The following MACROD2 variants were observed in gnomAD, a reference collection of about 807,000 sequenced individuals.
The protein encoded by MACROD2 is mono-ADP ribosylhydrolase 2.
In MACROD2, 36 loss-of-function variants were observed where a neutral mutation model predicts 70.4. That is an observed-to-expected ratio of 0.51 (90% CI 0.39 to 0.68). The LOEUF (loss-of-function observed/expected upper bound fraction) is 0.68, where lower values mean the gene tolerates loss of function less well. Ranked by LOEUF, MACROD2 falls within the 30% of genes least tolerant of loss-of-function variation. The pLI, the probability that MACROD2 is intolerant of heterozygous loss-of-function variation, is 0.00. For missense variants in MACROD2, 496 were observed against 538.4 expected (o/e 0.92, Z 0.78); for synonymous variants, 172 against 178.8 (o/e 0.96, Z 0.30).
chr20:14,613,076 C>A (rs1983268360), intron 4 of MACROD2, among the ~76,000 whole-genome samples: 1 of 152,028 alleles, frequency 6.6e-6, no homozygotes, highest in South Asian at 2.1e-4. Flanking sequence ...CCTAGGAAAT[C>A]ATTCCAAAAC....
intron 5 of MACROD2, among the ~76,000 whole-genome samples, chr20:14,835,337 C>T (rs939799114): frequency 5.3e-5 from 8 of 151,924 alleles, no homozygotes; most frequent in Non-Finnish European, 1.0e-4. Context: ...CAGTTAACAT[C>T]GGTTCATATG....
At chr20:15,143,931 G>A (rs1170004228) in intron 5 of MACROD2, among the ~76,000 whole-genome samples, 2 of 128,486 alleles carry the variant, frequency 1.6e-5, no homozygotes, top group Non-Finnish European at 3.2e-5. Context: ...TAACACTAAC[G>A]ATCGCTGATG....
At position 15,732,002 on chromosome 20, in the gene MACROD2, C is replaced by A. The variant is rs572931961; in HGVS notation, c.646-130743C>A. On this transcript the variant is annotated intron_variant, in intron 8 of 17. Transcript: ENST00000684519. ...AACTCCTGACCTCAGGTGATCCACC[C>A]ACCTCGGCCTCCCAGAGTGCTGGGA... Among the ~76,000 whole-genome samples, 29 of 115,728 alleles carry A rather than the reference C, an allele frequency of 2.5e-4. 3 individuals carry two copies. Among genetic ancestry groups the A allele is most frequent in the African/African-American group, 6.8e-4 (22 of 32,446 alleles). The allele number at this position is 115,728 out of a possible 152,430, so 75.9% of individuals were successfully genotyped here.
At chr20:15,505,872 AT>A (rs35564657) in intron 8 of MACROD2, among the ~76,000 whole-genome samples, 11 of 152,126 alleles carry the variant, frequency 7.2e-5, no homozygotes, top group African/African-American at 1.2e-4. Flanking sequence ...GCCCGACATA[AT>A]TTTTTTTAAC....
chr20:15,390,143 A>G (rs1188528651), intron 6 of MACROD2, among the ~76,000 whole-genome samples: 2 of 152,164 alleles, frequency 1.3e-5, no homozygotes, highest in Non-Finnish European at 2.9e-5. Flanking sequence ...AGTCAGATAT[A>G]CAAGTCGTCT....
At chr20:15,340,777 T>C (rs1050244561) in intron 6 of MACROD2, among the ~76,000 whole-genome samples, 2 of 151,106 alleles carry the variant, frequency 1.3e-5, no homozygotes, top group African/African-American at 4.8e-5. Context: ...ACACACACTT[T>C]TTTTTTTTTG....
chr20:15,065,442 T>C (rs1433367992), intron 5 of MACROD2, among the ~76,000 whole-genome samples: 1 of 151,804 alleles, frequency 6.6e-6, no homozygotes, highest in African/African-American at 2.4e-5. Context: ...GATCACAAGG[T>C]CAGGAGATCG....
intron 5 of MACROD2, among the ~76,000 whole-genome samples, chr20:14,710,409 T>TA (rs1412175176): frequency 6.6e-6 from 1 of 152,164 alleles, no homozygotes; most frequent in African/African-American, 2.4e-5. Context: ...AAATAGCATT[T>TA]AAAAAAATCA....
chr20:14,988,230 G>C (rs2074866629), intron 5 of MACROD2, among the ~76,000 whole-genome samples: 2 of 151,752 alleles, frequency 1.3e-5, no homozygotes, highest in African/African-American at 2.4e-5. Context: ...AGGGCGAGGT[G>C]GCGTACACCT....
chr20:14,517,262 C>A (rs1256260124), intron 4 of MACROD2, among the ~76,000 whole-genome samples: 1 of 151,976 alleles, frequency 6.6e-6, no homozygotes, highest in Non-Finnish European at 1.5e-5. Flanking sequence ...AGCACTATTC[C>A]CAATAACAAA....
chr20:14,071,035 C>T (rs1424935722), intron 2 of MACROD2, among the ~76,000 whole-genome samples: 1 of 152,016 alleles, frequency 6.6e-6, no homozygotes, highest in Non-Finnish European at 1.5e-5. Flanking sequence ...TGCTCAGTAC[C>T]TGGTGATGAT....
intron 7 of MACROD2, among the ~76,000 whole-genome samples, chr20:15,438,014 C>A (rs2046448602): frequency 6.6e-6 from 1 of 151,950 alleles, no homozygotes; most frequent in Admixed American, 6.6e-5. Context: ...CAAAAATTAG[C>A]CATGGTAGTG....
rs139951215 is a variant in MACROD2, at chr20:14,293,184, G to A, written c.272-200295G>A. Among the ~76,000 whole-genome samples, 1,466 of 151,524 alleles carry A rather than the reference G, an allele frequency of 9.7e-3. 51 individuals carry two copies. Among genetic ancestry groups the A allele is most frequent in the African/African-American group, 0.034 (1,398 of 41,092 alleles). On this transcript the variant is annotated intron_variant, in intron 3 of 17. Coordinates refer to ENST00000684519, the MANE Select transcript of MACROD2 (RefSeq NM_001351661.2). ...TCATTTACCCAACAAATATTATTGA[G>A]CACCTACTAGATACCATATGCTATT...
At chr20:14,047,657 G>A (rs1304626288) in intron 2 of MACROD2, among the ~76,000 whole-genome samples, 1 of 152,062 alleles carries the variant, frequency 6.6e-6, no homozygotes, top group Non-Finnish European at 1.5e-5. Context: ...GTTTGAAATG[G>A]AGGTGGCAGT....
At chr20:14,041,909 ACT>A (rs1342750150) in intron 2 of MACROD2, among the ~76,000 whole-genome samples, 1 of 151,960 alleles carries the variant, frequency 6.6e-6, no homozygotes, top group Non-Finnish European at 1.5e-5. Flanking sequence ...GATGGGGGAG[ACT>A]CTTGAGGGAA....
chr20:14,717,011 T>G (rs2071404370), intron 5 of MACROD2, among the ~76,000 whole-genome samples: 2 of 152,088 alleles, frequency 1.3e-5, no homozygotes, highest in African/African-American at 4.8e-5. Flanking sequence ...AAACTCTTCA[T>G]TTTTAAAAAA....
intron 6 of MACROD2, among the ~76,000 whole-genome samples, chr20:15,246,502 C>G (rs2146017831): frequency 6.6e-6 from 1 of 152,114 alleles, no homozygotes; most frequent in African/African-American, 2.4e-5. Context: ...GTAAGCCCAT[C>G]TTTTTATTTT....
chr20:15,175,998 G>T (rs369952146), intron 5 of MACROD2, among the ~76,000 whole-genome samples: 125 of 152,338 alleles, frequency 8.2e-4, no homozygotes, highest in Middle Eastern at 3.4e-3. Context: ...GCCTGCTTCT[G>T]CCCCCTGGCC....
chr20:15,095,861 T>G (rs937413352), intron 5 of MACROD2, among the ~76,000 whole-genome samples: 21 of 148,582 alleles, frequency 1.4e-4, no homozygotes, highest in South Asian at 6.5e-4. Flanking sequence ...ACCATGTTGT[T>G]TGTGTGTGTG....
Sources: gnomAD v4.1 joint callset for allele counts (sites outside exome capture counted in the v4.1 genomes callset) on GRCh38, gnomAD v4.1.1 for gene constraint, MANE v1.5 for transcripts, NCBI Gene and HGNC (gene_info 2026-07-23, HGNC 2026-07-21) for gene names.